The following SLC26A3 variants were observed in gnomAD, a reference collection of about 807,000 sequenced individuals.
SLC26A3 encodes the protein chloride anion exchanger.
In SLC26A3, 64 loss-of-function variants were observed where a neutral mutation model predicts 85.6. The ratio of observed to expected loss-of-function variants is 0.75; its 90% CI spans 0.61 to 0.92. The LOEUF (loss-of-function observed/expected upper bound fraction) is 0.92. Ranked by LOEUF, SLC26A3 falls within the 40% of genes least tolerant of loss-of-function variation. The pLI is 0.00. For synonymous variants in SLC26A3, 349 were observed against 336.0 expected, an observed-to-expected ratio of 1.04 and a Z score of -0.42; for missense variants, 922 against 927.3, an observed-to-expected ratio of 0.99 and a Z score of 0.07.
At chr7:107,775,545 C>T (rs1048572290) in intron 15 of SLC26A3, among the ~76,000 whole-genome samples, 1 of 151,906 alleles carries the variant, frequency 6.6e-6, no homozygotes, top group African/African-American at 2.4e-5. Flanking sequence ...GGCAACAAAG[C>T]AAGCCCTCGT....
At chr7:107,792,447 G>T (rs1365122420) in intron 3 of SLC26A3, among the ~76,000 whole-genome samples, 1 of 151,904 alleles carries the variant, frequency 6.6e-6, no homozygotes, top group African/African-American at 2.4e-5. Context: ...AGATCATTAG[G>T]CATTAGATTC....
intron 8 of SLC26A3, among the ~76,000 whole-genome samples, chr7:107,783,917 A>G (rs1170193546): frequency 6.6e-6 from 1 of 152,208 alleles, no homozygotes; most frequent in Non-Finnish European, 1.5e-5. Context: ...CTTTAAGGTG[A>G]TATATGTCAG....
rs982879036 is a variant in SLC26A3 at position 107,797,149 on chromosome 7, C to T, written c.-88-2552G>A. 2.7e-4 allele frequency among the ~76,000 whole-genome samples: 41 copies of T among 152,090 alleles called. 1 individual carries two copies. The highest frequency in any genetic ancestry group is 1.5e-4 in the Non-Finnish European group (10 of 68,030). Reference sequence around the variant, plus strand: ...GCCAGTAAAAGCCTCCTCCTCATACCCAAGCACTGCCTGCAAGGGCCCTGC... The same window carrying T: ...GCCAGTAAAAGCCTCCTCCTCATACTCAAGCACTGCCTGCAAGGGCCCTGC... On this transcript the variant is annotated intron_variant, in intron 1 of 20. Transcript: ENST00000340010.
At chr7:107,802,557 A>G (rs1794617440) in intron 1 of SLC26A3, among the ~76,000 whole-genome samples, 1 of 151,812 alleles carries the variant, frequency 6.6e-6, no homozygotes. Context: ...TTTAAGAGAC[A>G]AGGTCTTGCC....
intron 18 of SLC26A3, among the ~76,000 whole-genome samples, chr7:107,770,134 TTC>T (rs1179220034): frequency 3.8e-5 from 5 of 133,014 alleles, no homozygotes; most frequent in Non-Finnish European, 6.5e-5. Context: ...CTTTCTTTCT[TTC>T]TCTCTTTCTT....
intron 18 of SLC26A3, among the ~76,000 whole-genome samples, chr7:107,771,581 C>G (rs889279598): frequency 1.2e-4 from 18 of 152,080 alleles, no homozygotes; most frequent in Non-Finnish European, 1.5e-5. Flanking sequence ...GTTTCAAAGA[C>G]AAATGCTAGA....
chr7:107,776,821 T>G, intron 13 of SLC26A3, 115 bp from the exon 14 acceptor site: 1 of 932,216 alleles, frequency 1.1e-6, no homozygotes, highest in Non-Finnish European at 1.7e-6. Flanking sequence ...ATGTAAAAGG[T>G]TGGGGAATCA....
chr7:107,774,976 T>A, intron 15 of SLC26A3, 104 bp from the exon 16 acceptor site: 1 of 889,412 alleles, frequency 1.1e-6, no homozygotes, highest in South Asian at 1.3e-5. Context: ...TTGGGACAGA[T>A]AATAAAAATA....
chr7:107,791,999 C>A (rs950583383), intron 3 of SLC26A3, 59 bp from the exon 4 acceptor site: 2 of 1,013,724 alleles, frequency 2.0e-6, no homozygotes, highest in East Asian at 2.4e-5. Context: ...AAGACATTCT[C>A]ATTTGGTTCT....
rs1325104339 is a variant in SLC26A3 at position 107,786,827 on chromosome 7, C to A, written c.971G>T (p.Gly324Val). 1.9e-6 allele frequency: 3 copies of A among 1,612,862 alleles called. No individual in the cohort carries two copies. The highest frequency in any genetic ancestry group is 2.5e-6 in the Non-Finnish European group (3 of 1,178,962). ...KVAVVGDMNPGFQPPITPDVE... is the reference protein window; with the variant it reads ...KVAVVGDMNPVFQPPITPDVE... Reference sequence around the variant, plus strand: ...ATGCCATCATCGAAGACACACTTACCCAGGATTCATGTCCCCAACCACAGC... The same window carrying A: ...ATGCCATCATCGAAGACACACTTACACAGGATTCATGTCCCCAACCACAGC... The change falls in exon 8 of 21, where the codon GGA (glycine) becomes GTA (valine). Residue 324 changes from glycine to valine, a missense_variant and splice_region_variant. Gly to Val is a moderately radical substitution (Grantham distance 109). Coordinates refer to ENST00000340010, the MANE Select transcript of SLC26A3 (RefSeq NM_000111.3).
At chr7:107,797,146 T>G (rs951421255) in intron 1 of SLC26A3, among the ~76,000 whole-genome samples, 10 of 152,146 alleles carry the variant, frequency 6.6e-5, no homozygotes, top group Admixed American at 6.5e-5. Context: ...CTCCTCCTCA[T>G]ACCCAAGCAC....
At chr7:107,775,974 G>GTCAAGACTGCT (rs1794108366) in intron 15 of SLC26A3, 1 of 215,216 alleles carries the variant, frequency 4.6e-6, no homozygotes, top group South Asian at 8.1e-5. Flanking sequence ...TTTCTTAACT[G>GTCAAGACTGCT]TCAAGACTGC....
intron 16 of SLC26A3, 42 bp downstream of exon 16, chr7:107,774,735 G>T: frequency 1.4e-6 from 2 of 1,390,834 alleles, no homozygotes; most frequent in Non-Finnish European, 2.0e-6. Context: ...CCTTTACTAA[G>T]CTTTTAGCTA....
rs1208952914 is a variant in SLC26A3 at position 107,783,324 on chromosome 7, C to T, written c.1000G>A (p.Glu334Lys). Residue 334 changes from glutamate (E) to lysine (K), a missense_variant, in exon 9 of 21, where the codon GAG becomes AAG. Coordinates refer to ENST00000340010, the MANE Select transcript of SLC26A3 (RefSeq NM_000111.3). ...GFQPPITPDV[E>K]TFQNTVGDCF... ...TCTCCTACGGTGTTTTGGAAAGTCT[C>T]CACGTCAGGTGTAATAGGGGGCTGA... The T allele has an allele frequency of 1.2e-6, 2 of 1,614,010 alleles. No individual in the cohort carries two copies. The highest frequency in any genetic ancestry group is 2.2e-5 in the South Asian group (2 of 91,082).
chr7:107,789,721 G>C (rs1198873661), intron 5 of SLC26A3, 33 bp from the exon 6 acceptor site: 1 of 1,600,930 alleles, frequency 6.2e-7, no homozygotes, highest in East Asian at 2.2e-5. Flanking sequence ...TGTCAGCATA[G>C]ATTAGGAGTA....
chr7:107,767,659 A>G lies in SLC26A3; in HGVS notation c.2206-15T>C, dbSNP rs772482292. On this transcript the variant is annotated splice_polypyrimidine_tract_variant and intron_variant, in intron 19 of 20. Transcript: ENST00000340010. ...CCATCTTTTTCCTGAGAAAAAGAGA[A>G]TGGAAATATGGATTAGGGGCTGATT... 7 of 1,605,890 alleles carry G rather than the reference A, an allele frequency of 4.4e-6. No homozygotes were observed. The East Asian group carries it at 8.9e-5, about 20-fold the overall frequency.
chr7:107,771,951 G>T, intron 18 of SLC26A3, 103 bp downstream of exon 18: 1 of 806,214 alleles, frequency 1.2e-6, no homozygotes, highest in South Asian at 1.4e-5. Context: ...TTTTCATCAT[G>T]ATTATATAAA....
intron 17 of SLC26A3, 98 bp from the exon 18 acceptor site, chr7:107,772,206 CT>C: frequency 2.7e-6 from 2 of 728,470 alleles, no homozygotes; most frequent in Middle Eastern, 4.9e-4. Flanking sequence ...TGATATATTC[CT>C]TTTAGAAGCT....
Position 107,766,879 on chromosome 7 carries a change from CT to C in SLC26A3, c.2271+699del, listed in dbSNP as rs530938974. 4.6e-3 allele frequency among the ~76,000 whole-genome samples: 638 copies of C among 140,086 alleles called. 7 individuals are homozygous for C. The highest frequency in any genetic ancestry group is 0.013 in the African/African-American group (484 of 38,704). 91.9% of individuals were successfully genotyped at this position (140,086 alleles called of 152,430 possible). A position where few individuals can be genotyped will look rare whatever the true frequency, so the allele number is the denominator to read the frequency against. ...TAGTTAAGCTCTCTGAGCCTGTTTC[CT>C]TTTTTTTTTTTCATTTGGAAAATGA... On this transcript the variant is annotated intron_variant, in intron 20 of 20. Coordinates refer to ENST00000340010, the MANE Select transcript of SLC26A3 (RefSeq NM_000111.3).
Sources: allele counts gnomAD v4.1 joint callset (sites outside exome capture counted in the v4.1 genomes callset), GRCh38; gene constraint gnomAD v4.1.1; transcripts MANE v1.5; gene names NCBI Gene and HGNC (gene_info 2026-07-23, HGNC 2026-07-21).